Variants in SPAG16 observed in about 807,000 individuals in gnomAD.
The protein encoded by SPAG16 is sperm associated antigen 16, also known as sperm-associated antigen 16 protein.
A neutral mutation model predicts 80.4 loss-of-function variants in SPAG16; 86 were observed. The ratio of observed to expected loss-of-function variants is 1.07; its 90% CI spans 0.90 to 1.28. The LOEUF (loss-of-function observed/expected upper bound fraction) is 1.28, where lower values mean the gene tolerates loss of function less well. Ranked by LOEUF, SPAG16 falls within the 50% of genes most tolerant of loss-of-function variation. The pLI is 0.00. For synonymous variants in SPAG16, 294 were observed against 265.9 expected, an observed-to-expected ratio of 1.11 and a Z score of -1.03; for missense variants, 870 against 765.3, an observed-to-expected ratio of 1.14 and a Z score of -1.61.
chr2:213,929,270 AC>A (rs1168581375), intron 11 of SPAG16, among the ~76,000 whole-genome samples: 1 of 151,688 alleles, frequency 6.6e-6, no homozygotes, highest in East Asian at 1.9e-4. Context: ...TGCCTCGGCC[AC>A]CCAAAGTGCT....
At chr2:213,597,486 T>C (rs1371846558) in intron 10 of SPAG16, among the ~76,000 whole-genome samples, 1 of 152,202 alleles carries the variant, frequency 6.6e-6, no homozygotes, top group Non-Finnish European at 1.5e-5. Flanking sequence ...TAATGAATCA[T>C]ATGTGCTTAA....
intron 9 of SPAG16, among the ~76,000 whole-genome samples, chr2:213,399,365 T>A (rs1027819821): frequency 2.6e-5 from 4 of 152,094 alleles, no homozygotes; most frequent in Non-Finnish European, 5.9e-5. Context: ...TTGGTAATTT[T>A]ATCATGTTTA....
chr2:214,339,175 G>T (rs563112857), intron 15 of SPAG16, among the ~76,000 whole-genome samples: 60 of 152,126 alleles, frequency 3.9e-4, no homozygotes, highest in Non-Finnish European at 8.2e-4. Context: ...TTAAGAAATT[G>T]CCTGTTAAGT....
At chr2:214,374,734 G>C (rs573160353) in intron 15 of SPAG16, among the ~76,000 whole-genome samples, 3 of 152,284 alleles carry the variant, frequency 2.0e-5, no homozygotes, top group South Asian at 2.1e-4. Flanking sequence ...ATATGAAATA[G>C]AACATTAGAT....
At chr2:213,342,683 G>A (rs572156199) in intron 6 of SPAG16, among the ~76,000 whole-genome samples, 1 of 151,788 alleles carries the variant, frequency 6.6e-6, no homozygotes, top group Admixed American at 6.6e-5. Context: ...TTCTGCTTTG[G>A]GCTATGTCAT....
At chr2:214,172,148 GGTTA>G (rs1421791789) in intron 15 of SPAG16, among the ~76,000 whole-genome samples, 2 of 151,526 alleles carry the variant, frequency 1.3e-5, no homozygotes, top group African/African-American at 2.4e-5. Context: ...ACAATGTGCA[GGTTA>G]GTTACATATG....
At chr2:213,621,102 A>G (rs1366763752) in intron 10 of SPAG16, among the ~76,000 whole-genome samples, 1 of 152,208 alleles carries the variant, frequency 6.6e-6, no homozygotes, top group Non-Finnish European at 1.5e-5. Flanking sequence ...AAAGCTAGTA[A>G]GATGCTTTGG....
intron 15 of SPAG16, among the ~76,000 whole-genome samples, chr2:214,192,547 T>C (rs950160866): frequency 6.6e-6 from 1 of 152,146 alleles, no homozygotes; most frequent in African/African-American, 2.4e-5. Context: ...TTTTGTAATG[T>C]ATTCTTTCAA....
chr2:214,022,646 T>G (rs945875200), intron 13 of SPAG16, among the ~76,000 whole-genome samples: 2 of 151,906 alleles, frequency 1.3e-5, no homozygotes, highest in Non-Finnish European at 2.9e-5. Flanking sequence ...GGATAATAGG[T>G]GCTTAACAGA....
intron 7 of SPAG16, 43 bp downstream of exon 7, chr2:213,350,688 A>AT (rs766050831): frequency 2.3e-5 from 26 of 1,133,942 alleles, no homozygotes; most frequent in Middle Eastern, 2.1e-4. Flanking sequence ...TCTTTTAATC[A>AT]TTTTTTTAAT....
chr2:213,411,090 G>C (rs189790210), intron 9 of SPAG16, among the ~76,000 whole-genome samples: 273 of 148,022 alleles, frequency 1.8e-3, no homozygotes, highest in African/African-American at 7.1e-3. Flanking sequence ...GTGGTATTGT[G>C]GTGGACCTTT....
chr2:214,119,897 C>G (rs2125451017), intron 14 of SPAG16, among the ~76,000 whole-genome samples: 1 of 151,960 alleles, frequency 6.6e-6, no homozygotes, highest in East Asian at 1.9e-4. Flanking sequence ...TGATGAGAAT[C>G]AACTATAAAT....
intron 10 of SPAG16, among the ~76,000 whole-genome samples, chr2:213,819,571 G>A (rs781106439): frequency 2.6e-5 from 4 of 151,840 alleles, no homozygotes; most frequent in East Asian, 1.9e-4. Flanking sequence ...TCCCAGAAGC[G>A]TCTACTTCTG....
intron 10 of SPAG16, among the ~76,000 whole-genome samples, chr2:213,763,367 T>C (rs2068761903): frequency 6.6e-6 from 1 of 152,180 alleles, no homozygotes; most frequent in African/African-American, 2.4e-5. Context: ...TAGCTAAAAA[T>C]TACAATGATA....
chr2:213,834,936 C>T (rs2073992799), intron 10 of SPAG16, among the ~76,000 whole-genome samples: 1 of 152,150 alleles, frequency 6.6e-6, no homozygotes, highest in Non-Finnish European at 1.5e-5. Context: ...AAAATATCTT[C>T]CCAGATTCTT....
chr2:213,547,408 G>C (rs749041174), intron 10 of SPAG16, among the ~76,000 whole-genome samples: 4 of 151,994 alleles, frequency 2.6e-5, no homozygotes, highest in Non-Finnish European at 5.9e-5. Flanking sequence ...TCTTTTGAAT[G>C]TTTTGCAGAT....
chr2:213,748,015 A>G (rs1230732637), intron 10 of SPAG16, among the ~76,000 whole-genome samples: 1 of 152,222 alleles, frequency 6.6e-6, no homozygotes, highest in Admixed American at 6.5e-5. Flanking sequence ...GATTATTGTT[A>G]ATAATACCCT....
chr2:213,536,418 G>T (rs1190273013), intron 10 of SPAG16, among the ~76,000 whole-genome samples: 1 of 152,132 alleles, frequency 6.6e-6, no homozygotes. Flanking sequence ...ACTTCCACAA[G>T]GGTTGAAGTA....
intron 13 of SPAG16, among the ~76,000 whole-genome samples, chr2:214,046,082 A>G (rs2049306677): frequency 6.6e-6 from 1 of 152,174 alleles, no homozygotes; most frequent in Non-Finnish European, 1.5e-5. Flanking sequence ...TTATAAGCCA[A>G]TAAATTTGAA....
Sources: gnomAD v4.1 joint callset for allele counts (sites outside exome capture counted in the v4.1 genomes callset) on GRCh38, gnomAD v4.1.1 for gene constraint, MANE v1.5 for transcripts, NCBI Gene and HGNC (gene_info 2026-07-23, HGNC 2026-07-21) for gene names.